NUP214: variants seen among roughly 807,000 people sequenced by gnomAD.
The protein encoded by NUP214 is nuclear pore complex protein Nup214.
A neutral mutation model predicts 196.2 loss-of-function variants in NUP214; 79 were observed. The observed-to-expected ratio is 0.40, with a 90% confidence interval of 0.34 to 0.49. The LOEUF (loss-of-function observed/expected upper bound fraction) is 0.49, where lower values mean the gene tolerates loss of function less well. Among genes scored for constraint, NUP214 ranks in the 20% least tolerant of loss-of-function variants. The pLI is 0.58. For missense variants in NUP214, 2,468 were observed against 2,539.0 expected, an observed-to-expected ratio of 0.97 and a Z score of 0.60; for synonymous variants, 1,020 against 990.5, an observed-to-expected ratio of 1.03 and a Z score of -0.56.
At chr9:131,169,180 G>A (rs941477081) in intron 21 of NUP214, among the ~76,000 whole-genome samples, 57 of 151,690 alleles carry the variant, frequency 3.8e-4, no homozygotes, top group African/African-American at 1.3e-3. Context: ...CTACAGCTGC[G>A]TGCCACCAAG....
At chr9:131,137,481 G>C (rs1250563199) in intron 9 of NUP214, among the ~76,000 whole-genome samples, 4 of 144,706 alleles carry the variant, frequency 2.8e-5, no homozygotes, top group African/African-American at 1.0e-4. Flanking sequence ...TTACAGCGTT[G>C]TTTTAATTTC....
chr9:131,214,655 C>G (rs1374538351), intron 30 of NUP214, among the ~76,000 whole-genome samples: 1 of 152,132 alleles, frequency 6.6e-6, no homozygotes, highest in African/African-American at 2.4e-5. Context: ...ATGAGATTTG[C>G]AAACTTGGAC....
chr9:131,149,489 G>T (rs552390383), intron 14 of NUP214, among the ~76,000 whole-genome samples: 2 of 148,474 alleles, frequency 1.3e-5, no homozygotes, highest in African/African-American at 5.0e-5. Context: ...CCTGTCCCCA[G>T]TCCAGGCTGG....
In NUP214 at chr9:131,133,189, G is replaced by A. The variant is rs138783600; in HGVS notation, c.811G>A (p.Val271Met). 3 of 1,587,810 alleles carry A rather than the reference G, an allele frequency of 1.9e-6. No individual in the cohort carries two copies. Among genetic ancestry groups the A allele is most frequent in the African/African-American group, 2.7e-5 (2 of 72,750 alleles). The change falls in exon 7 of 36, where the codon GTG (valine) becomes ATG (methionine). Residue 271 changes from valine to methionine, a missense_variant. By Grantham distance (21) the Val-to-Met change is conservative (BLOSUM62 1). This residue lies in a region of NUP214 where 392 missense variants were observed against 417.9 expected (regional missense o/e 0.94). Coordinates refer to ENST00000359428, the MANE Select transcript of NUP214 (RefSeq NM_005085.4). ...ADGTLETSPD[V>M]VMALLPKKEE... ...TGGGACCCTGGAAACGTCTCCAGAT[G>A]TGGTGATGGCTCTACTACCGGTATG...
At chr9:131,147,449 A>T in intron 13 of NUP214, 41 bp from the exon 14 acceptor site, 1 of 1,400,078 alleles carries the variant, frequency 7.1e-7, no homozygotes, top group Non-Finnish European at 1.0e-6. Context: ...AAATAAAGGT[A>T]ATAAATGCCA....
rs1247406371 is a variant in NUP214, at chr9:131,174,453, T to TC, written c.3157+135_3157+136insC. 3.8e-4 allele frequency: 184 copies of TC among 482,046 alleles called. 6 individuals are homozygous for TC. The highest frequency in any genetic ancestry group is 2.5e-3 in the East Asian group (50 of 20,324). 29.9% of individuals were successfully genotyped at this position (482,046 alleles called of 1,614,324 possible). On this transcript the variant is annotated intron_variant, in intron 22 of 35. Coordinates refer to ENST00000359428, the MANE Select transcript of NUP214 (RefSeq NM_005085.4). ...CCCACTTTTTTTTTTTTTTCTTTTT[T>TC]TCTTTTTTTTTTTGAGGTGGAGTCT... is the stretch of plus-strand genomic sequence containing the variant.
At chr9:131,204,452 A>C (rs901843893) in intron 30 of NUP214, among the ~76,000 whole-genome samples, 1 of 152,110 alleles carries the variant, frequency 6.6e-6, no homozygotes, top group African/African-American at 2.4e-5. Flanking sequence ...GGCTATCGAT[A>C]GCCTCTGTCA....
intron 9 of NUP214, among the ~76,000 whole-genome samples, chr9:131,137,912 C>T (rs1366470237): frequency 1.3e-5 from 2 of 152,192 alleles, no homozygotes; most frequent in African/African-American, 4.8e-5. Context: ...CACCCTTTCC[C>T]TTGGTAGCCT....
rs1214512558 is a variant in NUP214, at chr9:131,163,123, T to C, written c.2673T>C (p.Thr891=). ...AGCAGCTCCGCCTTTACAAACAGAC[T>C]TCCCTGTGGAGCCTGTCCTCGGCTG... ...SLQQLRLYKQ[T]SLWSLSSAVP... The change falls in exon 19 of 36, where the codon ACT becomes ACC. Residue 891 remains threonine (T), a synonymous_variant. Coordinates refer to ENST00000359428, the MANE Select transcript of NUP214 (RefSeq NM_005085.4). 2.5e-6 allele frequency: 4 copies of C among 1,614,062 alleles called. No homozygotes were observed. In the African/African-American group the frequency reaches 4.0e-5, roughly 16 times the overall value.
Position 131,172,395 on chromosome 9 carries a change from G to A in NUP214, c.2894-1660G>A, listed in dbSNP as rs944689350. Among the ~76,000 whole-genome samples the A allele has an allele frequency of 3.3e-5, 5 of 152,316 alleles. No individual in the cohort carries two copies. In the East Asian group the frequency reaches 9.6e-4, roughly 29 times the overall value. On this transcript the variant is annotated intron_variant, in intron 21 of 35. Coordinates refer to ENST00000359428, the MANE Select transcript of NUP214 (RefSeq NM_005085.4). ...TCATGTCCTTCACCCACTTTTGGAT[G>A]GGGTTGTTTGTTTTTTCCTTGTAAA... is the stretch of plus-strand genomic sequence containing the variant.
chr9:131,224,180 A>G (rs1017398156), intron 32 of NUP214, among the ~76,000 whole-genome samples: 4 of 152,222 alleles, frequency 2.6e-5, no homozygotes, highest in African/African-American at 9.6e-5. Context: ...CAGCATTACT[A>G]TTAAAGTATA....
Position 131,127,674 on chromosome 9 carries a change from A to G in NUP214, c.196A>G (p.Asn66Asp). The G allele has an allele frequency of 6.2e-7, 1 of 1,614,092 alleles. No homozygotes were observed. The highest frequency in any genetic ancestry group is 1.1e-5 in the South Asian group (1 of 91,048). ...ASGLQIFPTK[N>D]LLIQNKPGDD... ...TGGCTTGCAGATTTTTCCTACTAAAAATCTTCTTATTCAAAATAAACCCGG... is the reference window on the plus strand; with the variant it reads ...TGGCTTGCAGATTTTTCCTACTAAAGATCTTCTTATTCAAAATAAACCCGG... Residue 66 changes from asparagine (N) to aspartate (D), a missense_variant, in exon 2 of 36, where the codon AAT becomes GAT. Transcript: ENST00000359428.
At chr9:131,133,686 C>T (rs973861760) in intron 7 of NUP214, 7 of 151,884 alleles carry the variant, frequency 4.6e-5, no homozygotes, top group East Asian at 1.9e-4. Context: ...GGCCAGGGGT[C>T]TAAAATTGGA....
At chr9:131,168,574 A>G (rs934128663) in intron 21 of NUP214, among the ~76,000 whole-genome samples, 4 of 152,224 alleles carry the variant, frequency 2.6e-5, no homozygotes, top group Non-Finnish European at 5.9e-5. Flanking sequence ...GCCTTTTTAA[A>G]GAAATTGCAT....
intron 30 of NUP214, among the ~76,000 whole-genome samples, chr9:131,207,081 G>C (rs1262277980): frequency 2.6e-5 from 4 of 152,178 alleles, no homozygotes; most frequent in Non-Finnish European, 5.9e-5. Flanking sequence ...AAACTCTAAA[G>C]ATGCTAGGCA....
At chr9:131,208,021 A>G (rs1834131212) in intron 30 of NUP214, among the ~76,000 whole-genome samples, 2 of 152,242 alleles carry the variant, frequency 1.3e-5, no homozygotes, top group South Asian at 4.1e-4. Context: ...ATTAGATAAG[A>G]TACCACTTCA....
intron 26 of NUP214, among the ~76,000 whole-genome samples, chr9:131,189,720 C>G (rs1347952735): frequency 6.6e-6 from 1 of 152,152 alleles, no homozygotes; most frequent in African/African-American, 2.4e-5. Flanking sequence ...GTGTTTTGAC[C>G]AGACACTTTG....
chr9:131,211,100 A>G (rs1185893892), intron 30 of NUP214, among the ~76,000 whole-genome samples: 3 of 152,200 alleles, frequency 2.0e-5, no homozygotes, highest in Non-Finnish European at 4.4e-5. Flanking sequence ...AATCATTCAT[A>G]TAGGAATTCA....
At chr9:131,187,175 C>T (rs1268493494) in intron 24 of NUP214, 114 bp from the exon 25 acceptor site, 3 of 834,450 alleles carry the variant, frequency 3.6e-6, no homozygotes, top group East Asian at 2.5e-5. Flanking sequence ...TCCCATGCAT[C>T]TGTATCCTAC....
Sources: allele counts gnomAD v4.1 joint callset (sites outside exome capture counted in the v4.1 genomes callset), GRCh38; gene constraint gnomAD v4.1.1; regional missense constraint gnomAD v4.1.1; transcripts MANE v1.5; gene names NCBI Gene and HGNC (gene_info 2026-07-23, HGNC 2026-07-21).